Variants in NGLY1 observed in about 807,000 individuals in gnomAD.
The protein encoded by NGLY1 is N-glycanase 1.
A neutral mutation model predicts 84.6 loss-of-function variants in NGLY1; 68 were observed. The ratio of observed to expected loss-of-function variants is 0.80; its 90% CI spans 0.66 to 0.98. The LOEUF is 0.98. NGLY1 is among the 50% of genes least tolerant of loss of function. The pLI, the probability that NGLY1 is intolerant of heterozygous loss-of-function variation, is 0.00. For synonymous variants in NGLY1, 280 were observed against 275.2 expected (o/e 1.02, Z -0.17); for missense variants, 779 against 770.2 (o/e 1.01, Z -0.14).
chr3:25,783,783 G>A (rs1166637500), upstream of NGLY1, among the ~76,000 whole-genome samples: 1 of 152,112 alleles, frequency 6.6e-6, no homozygotes, highest in African/African-American at 2.4e-5. The surrounding 1 kb of genome is among the most constrained non-coding windows in gnomAD (Gnocchi z 4.5). Flanking sequence ...GTTGGGAAGG[G>A]GTTCCGCAGG....
In NGLY1 at chr3:25,733,927, C is replaced by G; in HGVS notation, c.1205G>C (p.Arg402Thr). The G allele has an allele frequency of 6.2e-7, 1 of 1,613,796 alleles. No homozygotes were observed. The highest frequency in any genetic ancestry group is 8.5e-7 in the Non-Finnish European group (1 of 1,179,842). The change falls in exon 8 of 12, where the codon AGA (arginine) becomes ACA (threonine). Residue 402 changes from arginine (R) to threonine (T), a missense_variant. By Grantham distance (71) the Arg-to-Thr change is moderately conservative (BLOSUM62 -1). Coordinates refer to ENST00000280700, the MANE Select transcript of NGLY1 (RefSeq NM_018297.4). ...SCKHEEVIAR[R>T]TKVKEALLRD... ...AAGTAATGCTTCTTTAACCTTAGTTCTTCTGGCAATCACCTCTTCATGTTT... is the reference window on the plus strand; with the variant it reads ...AAGTAATGCTTCTTTAACCTTAGTTGTTCTGGCAATCACCTCTTCATGTTT...
chr3:25,768,508 T>C (rs1020322145), intron 2 of NGLY1, among the ~76,000 whole-genome samples: 2 of 145,936 alleles, frequency 1.4e-5, no homozygotes, highest in Non-Finnish European at 3.0e-5. Context: ...TAGAAGAAAA[T>C]ATTGGGAAAA....
At chr3:25,778,498 C>T in intron 2 of NGLY1, 76 bp downstream of exon 2, 1 of 741,112 alleles carries the variant, frequency 1.3e-6, no homozygotes, top group Non-Finnish European at 2.2e-6. Flanking sequence ...TTATCTTATT[C>T]AAACAATTAT....
In NGLY1 at chr3:25,733,941, C is replaced by T. The variant is rs1280593214; in HGVS notation, c.1191G>A (p.Glu397=). The T allele has an allele frequency of 2.5e-6, 4 of 1,613,712 alleles. No individual in the cohort carries two copies. Among genetic ancestry groups the T allele is most frequent in the African/African-American group, 2.7e-5 (2 of 74,908 alleles). ...VTWRYSCKHE[E]VIARRTKVKE... is the part of the protein sequence containing the mutation. ...TAACCTTAGTTCTTCTGGCAATCAC[C>T]TCTTCATGTTTGCAGGAATATCGCC... Residue 397 remains glutamate, a synonymous_variant, in exon 8 of 12, where the codon GAG becomes GAA. Transcript: ENST00000280700.
Position 25,739,705 on chromosome 3 carries a change from G to C in NGLY1, c.753C>G (p.Ser251Arg), listed in dbSNP as rs1212609894. The change falls in exon 5 of 12, where the codon AGC (serine) becomes AGG (arginine). Residue 251 changes from serine (S) to arginine (R), a missense_variant. Coordinates refer to ENST00000280700, the MANE Select transcript of NGLY1 (RefSeq NM_018297.4). Reference sequence around the variant, plus strand: ...TAGACCTAGTCTGTCCACCACATTTGCTGCACAAAACGTTATTCACCCAGT... The same window carrying C: ...TAGACCTAGTCTGTCCACCACATTTCCTGCACAAAACGTTATTCACCCAGT... ...FFHWVNNVLC[S>R]KCGGQTRSRD... The C allele has an allele frequency of 6.2e-7, 1 of 1,614,028 alleles. No homozygotes were observed.
chr3:25,729,511 TAG>T (rs1009892805), intron 9 of NGLY1, 193 bp from the exon 10 acceptor site: 1 of 344,360 alleles, frequency 2.9e-6, no homozygotes, highest in African/African-American at 2.1e-5. Flanking sequence ...TAAACATTAC[TAG>T]AGAGAAAAAC....
At chr3:25,726,918 A>T (rs931783576) in intron 10 of NGLY1, among the ~76,000 whole-genome samples, 1 of 152,178 alleles carries the variant, frequency 6.6e-6, no homozygotes, top group Non-Finnish European at 1.5e-5. Context: ...TAAATAGCAA[A>T]TTTTAATCTT....
intron 10 of NGLY1, among the ~76,000 whole-genome samples, chr3:25,721,621 C>T (rs1173778325): frequency 2.7e-5 from 4 of 150,404 alleles, no homozygotes; most frequent in Admixed American, 1.3e-4. Context: ...TGGTGGCAGG[C>T]GCCTGTAGTC....
intron 10 of NGLY1, among the ~76,000 whole-genome samples, chr3:25,728,736 T>C (rs189215478): frequency 6.6e-6 from 1 of 152,178 alleles, no homozygotes; most frequent in Non-Finnish European, 1.5e-5. Context: ...ACTCCCTAAA[T>C]AGCCTGTATT....
intron 9 of NGLY1, among the ~76,000 whole-genome samples, 166 bp downstream of exon 9, chr3:25,732,153 C>T (rs1705569533): frequency 6.6e-6 from 1 of 152,094 alleles, no homozygotes; most frequent in Non-Finnish European, 1.5e-5. Context: ...CACGATAATG[C>T]TATGTAAATC....
intron 4 of NGLY1, among the ~76,000 whole-genome samples, chr3:25,743,278 T>C (rs185624970): frequency 6.6e-6 from 1 of 152,314 alleles, no homozygotes; most frequent in Admixed American, 6.5e-5. Context: ...AAGTTTGTGG[T>C]AATTTGTTAT....
At chr3:25,766,327 A>C (rs1236996808) in intron 2 of NGLY1, among the ~76,000 whole-genome samples, 3 of 152,216 alleles carry the variant, frequency 2.0e-5, no homozygotes, top group African/African-American at 7.2e-5. Context: ...ACAGCCTCCC[A>C]AAAAGCTGGG....
chr3:25,755,757 G>C (rs1334509791), intron 3 of NGLY1: 1 of 858,942 alleles, frequency 1.2e-6, no homozygotes, highest in East Asian at 2.5e-5. Context: ...GAATATTCTA[G>C]ATCTTCTCGT....
In NGLY1 at chr3:25,733,884, C is replaced by T; in HGVS notation, c.1248G>A (p.Gly416=). ...AGCCACACCATACCTGCTTATTAAG[C>T]CCATTAATAGTGTCTCGAAGTAATG... ...KEALLRDTIN[G]LNKQRQLFLS... The change falls in exon 8 of 12, where the codon GGG becomes GGA. Residue 416 remains glycine, a synonymous_variant. Coordinates refer to ENST00000280700, the MANE Select transcript of NGLY1 (RefSeq NM_018297.4). 6.2e-7 allele frequency: 1 copy of T among 1,611,260 alleles called. No homozygotes were observed. The highest frequency in any genetic ancestry group is 1.7e-4 in the Middle Eastern group (1 of 6,052).
In NGLY1 at chr3:25,755,635, T is replaced by C. The variant is rs565253481; in HGVS notation, c.493-4372A>G. On this transcript the variant is annotated intron_variant, in intron 3 of 11. Coordinates refer to ENST00000280700, the MANE Select transcript of NGLY1 (RefSeq NM_018297.4). The stretch of plus-strand genomic sequence containing the variant: ...AACACAGCCAATGAAGCAAACCCAC[T>C]GAAGAGAAAAACATGAAGATGATGA... 12 of 1,484,598 alleles carry C rather than the reference T, an allele frequency of 8.1e-6. No individual in the cohort carries two copies. In the African/African-American group the frequency reaches 9.7e-5, roughly 12 times the overall value. 92.0% of individuals were successfully genotyped at this position (1,484,598 alleles called of 1,614,324 possible). A position where few individuals can be genotyped will look rare whatever the true frequency, so the allele number is the denominator to read the frequency against.
In NGLY1 at chr3:25,720,780, C is replaced by T. The variant is rs567070979; in HGVS notation, c.1612-589G>A. ...TTAAGGCATCTAAGCCTACTGGCTG[C>T]TTCCAGCTCATCCCCTCTCATACTT... is the stretch of plus-strand genomic sequence containing the variant. On this transcript the variant is annotated intron_variant, in intron 10 of 11. Transcript: ENST00000280700. 3.9e-5 allele frequency among the ~76,000 whole-genome samples: 6 copies of T among 152,320 alleles called. No homozygotes were observed. The East Asian group carries it at 7.7e-4, about 20-fold the overall frequency.
At chr3:25,768,572 T>C (rs1452394001) in intron 2 of NGLY1, among the ~76,000 whole-genome samples, 2 of 150,150 alleles carry the variant, frequency 1.3e-5, no homozygotes, top group Non-Finnish European at 3.0e-5. Flanking sequence ...TTTTTTTTTT[T>C]TTTTTTTTTT....
intron 11 of NGLY1, 152 bp downstream of exon 11, chr3:25,719,862 G>C: frequency 1.4e-6 from 1 of 705,868 alleles, no homozygotes; most frequent in Non-Finnish European, 2.2e-6. Flanking sequence ...GTTACAATGG[G>C]ATCACACAGG....
At chr3:25,723,575 C>G (rs1705112482) in intron 10 of NGLY1, among the ~76,000 whole-genome samples, 1 of 64,098 alleles carries the variant, frequency 1.6e-5, no homozygotes, top group Admixed American at 1.9e-4. Flanking sequence ...ACCTCCAACT[C>G]TGATCCCACT....
Sources: allele counts gnomAD v4.1 joint callset (sites outside exome capture counted in the v4.1 genomes callset), GRCh38; gene constraint gnomAD v4.1.1; non-coding constraint Gnocchi (gnomAD v3.1); transcripts MANE v1.5; gene names NCBI Gene and HGNC (gene_info 2026-07-23, HGNC 2026-07-21).